DLG2: variants seen among roughly 807,000 people sequenced by gnomAD.
DLG2 encodes discs large MAGUK scaffold protein 2, also known as disks large homolog 2.
A neutral mutation model predicts 132.5 loss-of-function variants in DLG2; 45 were observed. The observed-to-expected ratio is 0.34, with a 90% CI of 0.27 to 0.44. The LOEUF is 0.44. Among genes scored for constraint, DLG2 ranks in the 20% least tolerant of loss-of-function variants. The probability of loss-of-function intolerance (pLI) is 1.00; values close to 1 mark genes in which losing one functional copy is unlikely to be tolerated. For missense variants in DLG2, 1,045 were observed against 1,196.9 expected, an observed-to-expected ratio of 0.87 and a Z score of 1.87; for synonymous variants, 424 against 419.6, an observed-to-expected ratio of 1.01 and a Z score of -0.13.
At chr11:84,825,102 C>T (rs186643438) in intron 6 of DLG2, among the ~76,000 whole-genome samples, 10 of 151,868 alleles carry the variant, frequency 6.6e-5, no homozygotes, top group East Asian at 2.0e-4. Flanking sequence ...AGACAGTCTC[C>T]GGGAAGAAAC....
chr11:84,710,234 C>T (rs989323832), intron 6 of DLG2, among the ~76,000 whole-genome samples: 27 of 152,084 alleles, frequency 1.8e-4, no homozygotes, highest in Middle Eastern at 6.8e-3. Flanking sequence ...ATGTACATTT[C>T]TTAGTACTAG....
intron 6 of DLG2, among the ~76,000 whole-genome samples, chr11:84,775,170 T>C (rs1268996871): frequency 6.6e-6 from 1 of 151,774 alleles, no homozygotes; most frequent in Non-Finnish European, 1.5e-5. Context: ...CCAACAAACA[T>C]GAAAAAATGC....
intron 3 of DLG2, among the ~76,000 whole-genome samples, chr11:85,495,879 C>A (rs1288226245): frequency 6.6e-6 from 1 of 152,156 alleles, no homozygotes; most frequent in Non-Finnish European, 1.5e-5. Flanking sequence ...GGAACGAACC[C>A]AAATGCCCAT....
chr11:84,715,210 A>T (rs765539300), intron 6 of DLG2, among the ~76,000 whole-genome samples: 17 of 152,178 alleles, frequency 1.1e-4, no homozygotes, highest in Non-Finnish European at 2.2e-4. Flanking sequence ...TATATTAACA[A>T]ATTGCTATTA....
At chr11:85,467,508 T>G (rs1003876197) in intron 3 of DLG2, among the ~76,000 whole-genome samples, 1 of 152,222 alleles carries the variant, frequency 6.6e-6, no homozygotes, top group South Asian at 2.1e-4. Context: ...TATTGGGAGT[T>G]TTTAGCATGA....
In DLG2 at chr11:85,563,659, C is replaced by A. The variant is rs1262405503; in HGVS notation, c.40+34998G>T. 2.0e-5 allele frequency among the ~76,000 whole-genome samples: 3 copies of A among 147,432 alleles called. No individual in the cohort carries two copies. In the South Asian group the frequency reaches 6.3e-4, roughly 31 times the overall value. On this transcript the variant is annotated intron_variant, in intron 3 of 27. Coordinates refer to ENST00000376104, the MANE Select transcript of DLG2 (RefSeq NM_001142699.3). ...TTGTATAGTTTAATGAATTTCATTCCTTTTTATTGCTGGATAATATTCCTT... is the reference window on the plus strand; with the variant it reads ...TTGTATAGTTTAATGAATTTCATTCATTTTTATTGCTGGATAATATTCCTT...
At chr11:84,651,012 T>C (rs1381324344) in intron 6 of DLG2, among the ~76,000 whole-genome samples, 3 of 151,614 alleles carry the variant, frequency 2.0e-5, no homozygotes, top group Admixed American at 2.0e-4. Context: ...ACTTTCAAAA[T>C]GCCCTCCAGA....
At chr11:84,484,578 C>T (rs1013509647) in intron 7 of DLG2, among the ~76,000 whole-genome samples, 2 of 152,106 alleles carry the variant, frequency 1.3e-5, no homozygotes, top group African/African-American at 4.8e-5. Context: ...AACTTTTTTG[C>T]ATTAAAATTA....
At chr11:84,823,532 T>A (rs759913461) in intron 6 of DLG2, among the ~76,000 whole-genome samples, 3 of 150,716 alleles carry the variant, frequency 2.0e-5, no homozygotes, top group Non-Finnish European at 3.0e-5. Flanking sequence ...TCTTATCTTC[T>A]TAGAGTGGCC....
intron 15 of DLG2, among the ~76,000 whole-genome samples, chr11:83,885,562 G>A (rs2067605158): frequency 6.6e-6 from 1 of 152,150 alleles, no homozygotes; most frequent in Non-Finnish European, 1.5e-5. Context: ...AATCTAGCAA[G>A]GCAGGCCAAC....
At chr11:84,815,225 G>C (rs1810880827) in intron 6 of DLG2, among the ~76,000 whole-genome samples, 1 of 152,084 alleles carries the variant, frequency 6.6e-6, no homozygotes, top group South Asian at 2.1e-4. Flanking sequence ...CTCACTAGGA[G>C]AGAGGAAAAC....
At chr11:84,022,109 C>T (rs1184268534) in intron 11 of DLG2, among the ~76,000 whole-genome samples, 1 of 152,116 alleles carries the variant, frequency 6.6e-6, no homozygotes, top group African/African-American at 2.4e-5. Context: ...GGCACCATTA[C>T]AGATGAAAAA....
chr11:85,332,676 C>G (rs1435764837), intron 3 of DLG2, among the ~76,000 whole-genome samples: 1 of 152,174 alleles, frequency 6.6e-6, no homozygotes, highest in Non-Finnish European at 1.5e-5. Context: ...CTGTGTATGA[C>G]TGGCCAGTTA....
At chr11:83,811,479 A>G (rs1383662406) in intron 17 of DLG2, among the ~76,000 whole-genome samples, 2 of 152,104 alleles carry the variant, frequency 1.3e-5, no homozygotes, top group East Asian at 3.9e-4. Context: ...GAAAATTTTA[A>G]TTTCTACTTT....
intron 8 of DLG2, among the ~76,000 whole-genome samples, chr11:84,191,269 G>A (rs1360419001): frequency 2.0e-5 from 3 of 151,902 alleles, no homozygotes; most frequent in African/African-American, 4.8e-5. Flanking sequence ...TAAGACCAAA[G>A]GAAAATTATT....
chr11:84,476,104 C>A (rs1170984085), intron 7 of DLG2, among the ~76,000 whole-genome samples: 2 of 152,066 alleles, frequency 1.3e-5, no homozygotes, highest in African/African-American at 4.8e-5. Context: ...TATCTACTCT[C>A]TAAGAACATA....
chr11:85,081,104 C>G (rs1169585547), intron 6 of DLG2, among the ~76,000 whole-genome samples: 1 of 152,176 alleles, frequency 6.6e-6, no homozygotes, highest in African/African-American at 2.4e-5. Context: ...AACATTAAAG[C>G]TTTGTTTCTT....
intron 21 of DLG2, among the ~76,000 whole-genome samples, chr11:83,525,403 C>T (rs895288094): frequency 1.3e-5 from 2 of 152,230 alleles, no homozygotes; most frequent in East Asian, 1.9e-4. Context: ...AGTGTCTCCA[C>T]GTTGGGCTAT....
At chr11:83,679,718 T>C (rs577156130) in intron 18 of DLG2, among the ~76,000 whole-genome samples, 2 of 152,324 alleles carry the variant, frequency 1.3e-5, no homozygotes, top group Admixed American at 6.5e-5. Flanking sequence ...TTACCTTTCA[T>C]TGGGCATCAC....
Sources: gnomAD v4.1 joint callset for allele counts (sites outside exome capture counted in the v4.1 genomes callset) on GRCh38, gnomAD v4.1.1 for gene constraint, MANE v1.5 for transcripts, NCBI Gene and HGNC (gene_info 2026-07-23, HGNC 2026-07-21) for gene names.